ARHGEF4: variants seen among roughly 807,000 people sequenced by gnomAD.
The protein encoded by ARHGEF4 is APC-stimulated guanine nucleotide exchange factor 1.
A neutral mutation model predicts 162.0 loss-of-function variants in ARHGEF4; 119 were observed. That is an observed-to-expected ratio of 0.73 (90% CI 0.63 to 0.86). The LOEUF is 0.86. ARHGEF4 is among the 40% of genes least tolerant of loss of function. ARHGEF4 has a pLI of 0.00. For synonymous variants in ARHGEF4, 1,014 were observed against 979.9 expected (o/e 1.03, Z -0.65); for missense variants, 2,488 against 2,456.0 (o/e 1.01, Z -0.28).
intron 4 of ARHGEF4, among the ~76,000 whole-genome samples, chr2:131,000,675 G>T (rs1280306519): frequency 6.6e-6 from 1 of 152,052 alleles, no homozygotes; most frequent in Non-Finnish European, 1.5e-5. Flanking sequence ...ATTTTTAGGA[G>T]TTGACGTATT....
chr2:130,999,708 G>C (rs1307270436), intron 4 of ARHGEF4, among the ~76,000 whole-genome samples: 1 of 151,580 alleles, frequency 6.6e-6, no homozygotes, highest in Admixed American at 6.6e-5. Flanking sequence ...GTTTTGTTTT[G>C]TTTTGTTTTT....
intron 1 of ARHGEF4, among the ~76,000 whole-genome samples, chr2:130,841,150 C>T (rs1051890499): frequency 1.3e-5 from 2 of 152,066 alleles, no homozygotes; most frequent in African/African-American, 4.8e-5. Context: ...CTGCAACCTC[C>T]GTCTTCTGAG....
At chr2:130,934,394 T>G (rs979648983) in intron 3 of ARHGEF4, among the ~76,000 whole-genome samples, 1 of 152,212 alleles carries the variant, frequency 6.6e-6, no homozygotes, top group Non-Finnish European at 1.5e-5. Context: ...TCTTGTATAG[T>G]TCACCAGTGA....
chr2:131,044,451 C>A lies in ARHGEF4; in HGVS notation c.5310C>A (p.His1770Gln). The A allele has an allele frequency of 6.4e-7, 1 of 1,558,044 alleles. No homozygotes were observed. Among genetic ancestry groups the A allele is most frequent in the Non-Finnish European group, 8.7e-7 (1 of 1,150,898 alleles). Residue 1770 changes from histidine to glutamine, a missense_variant, in exon 12 of 14, where the codon CAC (histidine) becomes CAA (glutamine). By Grantham distance (24) the His-to-Gln change is conservative (BLOSUM62 0). Around this residue, in one of 6 missense-constraint regions of ARHGEF4, gnomAD observed 415 missense variants for 512.4 expected, o/e 0.81. Coordinates refer to ENST00000409359, the MANE Select transcript of ARHGEF4 (RefSeq NM_001367493.1). Reference protein sequence around the residue: ...RLHRGATGDSHLLCTRKPEQK... With the variant: ...RLHRGATGDSQLLCTRKPEQK... The stretch of plus-strand genomic sequence containing the variant: ...ACCGTGGCGCCACAGGGGACAGCCA[C>A]CTGCTGTGCACCAGGAAGCCCGAGC...
At chr2:130,837,770 C>T in intron 1 of ARHGEF4, 1 of 302,608 alleles carries the variant, frequency 3.3e-6, no homozygotes, top group Non-Finnish European at 6.5e-6. Flanking sequence ...ACTCCGGGAG[C>T]AACTGCATGA....
chr2:131,009,433 C>CTGT (rs1206657323), intron 4 of ARHGEF4, among the ~76,000 whole-genome samples: 1 of 152,142 alleles, frequency 6.6e-6, no homozygotes, highest in Non-Finnish European at 1.5e-5. Flanking sequence ...ATTTGTGAAA[C>CTGT]TGTTGGTCAT....
chr2:130,969,481 C>T (rs1405832080), intron 4 of ARHGEF4, among the ~76,000 whole-genome samples: 1 of 151,956 alleles, frequency 6.6e-6, no homozygotes, highest in Non-Finnish European at 1.5e-5. Flanking sequence ...TGCCTGTAGT[C>T]CCAGCTACTC....
intron 5 of ARHGEF4, among the ~76,000 whole-genome samples, chr2:131,036,150 G>C (rs530340840): frequency 7.0e-4 from 107 of 152,318 alleles, no homozygotes; most frequent in African/African-American, 2.5e-3. Context: ...CTGTGCCTAC[G>C]AGCACCAAAA....
Position 131,046,320 on chromosome 2 carries a change from GC to G in ARHGEF4, c.*133del. ...AGGGATGGGCTGGGGAGTTGCTTGTGCCACCAAGACGTGCCAGGTCTGTACT... is the reference window on the plus strand; with the variant it reads ...AGGGATGGGCTGGGGAGTTGCTTGTGCACCAAGACGTGCCAGGTCTGTACT... On this transcript the variant is annotated 3_prime_UTR_variant, in exon 14 of 14. Transcript: ENST00000409359. 1.0e-6 allele frequency: 1 copy of G among 969,514 alleles called. No individual in the cohort carries two copies. Among genetic ancestry groups the G allele is most frequent in the Non-Finnish European group, 1.5e-6 (1 of 661,816 alleles). 60.1% of individuals were successfully genotyped at this position (969,514 alleles called of 1,614,324 possible). A position where few individuals can be genotyped will look rare whatever the true frequency, so the allele number is the denominator to read the frequency against.
intron 1 of ARHGEF4, among the ~76,000 whole-genome samples, chr2:130,913,593 A>G (rs192177453): frequency 7.2e-5 from 11 of 152,286 alleles, no homozygotes; most frequent in African/African-American, 2.4e-4. Flanking sequence ...TTGACTTTAA[A>G]CCAGTTGGTT....
At chr2:130,962,498 A>G (rs1253959341) in intron 4 of ARHGEF4, among the ~76,000 whole-genome samples, 9 of 152,084 alleles carry the variant, frequency 5.9e-5, no homozygotes, top group Non-Finnish European at 1.3e-4. Flanking sequence ...ATAATCATAT[A>G]CTCATGATAG....
chr2:131,035,244 C>A, intron 5 of ARHGEF4: 1 of 1,224,604 alleles, frequency 8.2e-7, no homozygotes, highest in Non-Finnish European at 1.0e-6. Flanking sequence ...TACTGATCTT[C>A]CTGCTGGCCT....
Position 130,841,647 on chromosome 2 carries a change from G to A in ARHGEF4, c.39+4655G>A, listed in dbSNP as rs371316666. Among the ~76,000 whole-genome samples the A allele has an allele frequency of 6.6e-5, 10 of 152,318 alleles. No individual in the cohort carries two copies. In the East Asian group the frequency reaches 1.9e-3, roughly 29 times the overall value. On this transcript the variant is annotated intron_variant, in intron 1 of 13. Coordinates refer to ENST00000409359, the MANE Select transcript of ARHGEF4 (RefSeq NM_001367493.1). ...CTCCAGCTGATAGAGAACGATGTCT[G>A]TGGCAATATTCCAAGCTGTTGGTGT...
At chr2:130,906,017 A>T (rs1373332725) in intron 1 of ARHGEF4, among the ~76,000 whole-genome samples, 2 of 152,178 alleles carry the variant, frequency 1.3e-5, no homozygotes, top group Admixed American at 6.5e-5. Context: ...ACGGTTATTT[A>T]TGCTGTTACC....
chr2:130,922,542 T>C (rs1273152269), intron 2 of ARHGEF4, among the ~76,000 whole-genome samples: 2 of 152,156 alleles, frequency 1.3e-5, no homozygotes, highest in Non-Finnish European at 2.9e-5. Flanking sequence ...TTATCAGGAA[T>C]TCTCATTGGT....
chr2:131,007,317 C>T (rs1318549190), intron 4 of ARHGEF4, among the ~76,000 whole-genome samples: 1 of 152,040 alleles, frequency 6.6e-6, no homozygotes, highest in Non-Finnish European at 1.5e-5. Context: ...AATTTATGTC[C>T]CTGTCCTCTC....
chr2:130,902,897 C>G (rs1420227982), intron 1 of ARHGEF4, among the ~76,000 whole-genome samples: 4 of 138,930 alleles, frequency 2.9e-5, no homozygotes, highest in Non-Finnish European at 4.7e-5. Flanking sequence ...AACCTGTTAT[C>G]CTGGGATAGC....
chr2:130,856,084 A>T (rs1285013029), intron 1 of ARHGEF4, among the ~76,000 whole-genome samples: 1 of 152,230 alleles, frequency 6.6e-6, no homozygotes, highest in Non-Finnish European at 1.5e-5. Context: ...CAAAGCAGCT[A>T]TTATAACTCA....
chr2:130,984,230 T>C (rs561457204), intron 4 of ARHGEF4, among the ~76,000 whole-genome samples: 1 of 152,204 alleles, frequency 6.6e-6, no homozygotes, highest in East Asian at 1.9e-4. Context: ...CCAAAGAACA[T>C]TGTGGCCAAA....
Sources: allele counts gnomAD v4.1 joint callset (sites outside exome capture counted in the v4.1 genomes callset), GRCh38; gene constraint gnomAD v4.1.1; regional missense constraint gnomAD v4.1.1; transcripts MANE v1.5; gene names NCBI Gene and HGNC (gene_info 2026-07-23, HGNC 2026-07-21).